The following CFAP61 variants were observed in gnomAD, a reference collection of about 807,000 sequenced individuals.
The protein encoded by CFAP61 is cilia- and flagella-associated protein 61.
CFAP61 carries 107 observed loss-of-function variants against 135.6 expected under a neutral mutation model. The observed-to-expected ratio is 0.79, with a 90% CI of 0.67 to 0.93. The LOEUF (loss-of-function observed/expected upper bound fraction) is 0.93. Among genes scored for constraint, CFAP61 ranks in the 40% least tolerant of loss-of-function variants. The probability of loss-of-function intolerance (pLI) is 0.00; values close to 1 mark genes in which losing one functional copy is unlikely to be tolerated. For synonymous variants in CFAP61, 575 were observed against 578.5 expected, an observed-to-expected ratio of 0.99 and a Z score of 0.09; for missense variants, 1,507 against 1,556.2, an observed-to-expected ratio of 0.97 and a Z score of 0.53.
At chr20:20,075,734 T>A in intron 6 of CFAP61, 119 bp downstream of exon 6, 1 of 1,008,660 alleles carries the variant, frequency 9.9e-7, no homozygotes, top group Non-Finnish European at 1.5e-6. Flanking sequence ...TTTACAATAC[T>A]CATAAGCATT....
chr20:20,327,776 T>TAAAA (rs1569301175), intron 25 of CFAP61, among the ~76,000 whole-genome samples: 1 of 29,864 alleles, frequency 3.3e-5, no homozygotes, highest in African/African-American at 2.1e-4. Flanking sequence ...CAAGAGCCTG[T>TAAAA]CAAAAAAAAA....
rs2054781866 is a variant in CFAP61, at chr20:20,288,770, A to T, written c.2958A>T (p.Arg986Ser). The T allele has an allele frequency of 6.2e-7, 1 of 1,614,088 alleles. No homozygotes were observed. The highest frequency in any genetic ancestry group is 1.1e-5 in the South Asian group (1 of 91,090). ...GCTCCCTCACCAAATTCTCCAATAG[A>T]TACTACTCAAATGAGTGGACTCACA... ...AAGSLTKFSN[R>S]YYSNEWTHSN... The change falls in exon 23 of 27, where the codon AGA (arginine) becomes AGT (serine). Residue 986 changes from arginine (R) to serine (S), a missense_variant. Transcript: ENST00000245957.
At chr20:20,089,376 G>T (rs2047019183) in intron 6 of CFAP61, among the ~76,000 whole-genome samples, 1 of 150,778 alleles carries the variant, frequency 6.6e-6, no homozygotes, top group African/African-American at 2.5e-5. Context: ...TCTGGATAAA[G>T]CCCTGAGCTT....
intron 6 of CFAP61, among the ~76,000 whole-genome samples, chr20:20,084,893 G>C (rs1174495293): frequency 6.6e-6 from 1 of 152,212 alleles, no homozygotes; most frequent in Non-Finnish European, 1.5e-5. Flanking sequence ...ACAGTTTTCA[G>C]AGTCTGATGG....
chr20:20,158,862 A>G (rs991599293), intron 9 of CFAP61, among the ~76,000 whole-genome samples: 1 of 152,204 alleles, frequency 6.6e-6, no homozygotes, highest in Non-Finnish European at 1.5e-5. Flanking sequence ...AAGCTTTTCA[A>G]AAAGGATACT....
At chr20:20,347,266 T>G (rs967710468) in intron 26 of CFAP61, among the ~76,000 whole-genome samples, 4 of 152,320 alleles carry the variant, frequency 2.6e-5, no homozygotes. Context: ...TTTAAAGCTA[T>G]AAGTGCCTAC....
chr20:20,323,909 G>A (rs965929666), intron 25 of CFAP61, among the ~76,000 whole-genome samples: 27 of 152,084 alleles, frequency 1.8e-4, no homozygotes, highest in African/African-American at 5.6e-4. Context: ...TTCTGAACAT[G>A]TTCCCATTTC....
chr20:20,070,602 T>C (rs1167797437), intron 2 of CFAP61, among the ~76,000 whole-genome samples: 1 of 152,204 alleles, frequency 6.6e-6, no homozygotes, highest in Non-Finnish European at 1.5e-5. Context: ...GGAAAGATAG[T>C]AGATACTCAA....
At chr20:20,236,663 A>G (rs187827246) in intron 18 of CFAP61, among the ~76,000 whole-genome samples, 2 of 152,212 alleles carry the variant, frequency 1.3e-5, no homozygotes, top group African/African-American at 4.8e-5. Flanking sequence ...CCCAAGAAAA[A>G]ACCTGCCCAT....
At chr20:20,221,974 A>G (rs1291895356) in intron 17 of CFAP61, 2 of 152,216 alleles carry the variant, frequency 1.3e-5, no homozygotes, top group Non-Finnish European at 2.9e-5. Context: ...TGAAGTGATG[A>G]CAATGAACAG....
At chr20:20,279,421 C>A (rs2424318) in intron 22 of CFAP61, among the ~76,000 whole-genome samples, 123,828 of 152,202 alleles carry the variant, frequency 0.81, 50,601 homozygotes, top group Middle Eastern at 0.86. Context: ...CTATCCTCAC[C>A]ATAAAGTAAA....
intron 15 of CFAP61, among the ~76,000 whole-genome samples, chr20:20,196,294 G>A (rs561273735): frequency 2.6e-5 from 4 of 152,078 alleles, no homozygotes; most frequent in Admixed American, 1.3e-4. Context: ...GCACAGACTC[G>A]GGGCTCTCTG....
intron 14 of CFAP61, among the ~76,000 whole-genome samples, chr20:20,190,684 A>T (rs543639780): frequency 5.9e-5 from 9 of 152,316 alleles, no homozygotes; most frequent in African/African-American, 1.7e-4. Context: ...GATACTGAAC[A>T]AAGTGTACAA....
intron 17 of CFAP61, among the ~76,000 whole-genome samples, chr20:20,224,368 A>G (rs1489668623): frequency 1.3e-5 from 2 of 152,004 alleles, no homozygotes; most frequent in Non-Finnish European, 1.5e-5. Flanking sequence ...CGCAACCCCC[A>G]AGCTCAACTC....
intron 25 of CFAP61, among the ~76,000 whole-genome samples, chr20:20,302,645 G>T (rs1256313643): frequency 6.6e-6 from 1 of 152,194 alleles, no homozygotes; most frequent in Admixed American, 6.5e-5. Context: ...CTGGGCGACA[G>T]AGTGAGACTG....
chr20:20,166,979 G>T (rs1365523280), intron 12 of CFAP61, among the ~76,000 whole-genome samples: 1 of 152,106 alleles, frequency 6.6e-6, no homozygotes, highest in African/African-American at 2.4e-5. Flanking sequence ...CCGGGCTTCT[G>T]CCTACATTCT....
chr20:20,191,073 A>G (rs914269038), intron 14 of CFAP61, among the ~76,000 whole-genome samples: 3 of 152,266 alleles, frequency 2.0e-5, no homozygotes, highest in East Asian at 1.9e-4. Context: ...AGATCATGCC[A>G]TTGCACTCCA....
chr20:20,298,563 G>C (rs1177532300), intron 25 of CFAP61, among the ~76,000 whole-genome samples, 177 bp downstream of exon 25: 1 of 152,238 alleles, frequency 6.6e-6, no homozygotes, highest in African/African-American at 2.4e-5. Flanking sequence ...CTGGGGAGCA[G>C]AGAGTCACAG....
intron 24 of CFAP61, among the ~76,000 whole-genome samples, chr20:20,293,393 A>C (rs1415815211): frequency 6.6e-6 from 1 of 152,230 alleles, no homozygotes; most frequent in Non-Finnish European, 1.5e-5. Context: ...CTTTTTAATT[A>C]GTACAGAAGA....
Sources: allele counts gnomAD v4.1 joint callset (sites outside exome capture counted in the v4.1 genomes callset), GRCh38; gene constraint gnomAD v4.1.1; transcripts MANE v1.5; gene names NCBI Gene and HGNC (gene_info 2026-07-23, HGNC 2026-07-21).